Variants in SP100 observed in about 807,000 individuals in gnomAD.
SP100 encodes the protein SP100 nuclear body protein.
In SP100, 84 loss-of-function variants were observed where a neutral mutation model predicts 130.0. The observed-to-expected ratio is 0.65, with a 90% confidence interval of 0.54 to 0.77. The LOEUF is 0.77. Among genes scored for constraint, SP100 ranks in the 30% least tolerant of loss-of-function variants. The pLI is 0.00. For synonymous variants in SP100, 331 were observed against 351.7 expected, an observed-to-expected ratio of 0.94 and a Z score of 0.66; for missense variants, 978 against 1,052.2, an observed-to-expected ratio of 0.93 and a Z score of 0.97.
chr2:230,541,887 A>T lies in SP100; in HGVS notation c.2404-5A>T. On this transcript the variant is annotated splice_polypyrimidine_tract_variant and splice_region_variant and intron_variant, in intron 27 of 28. Coordinates refer to ENST00000340126, the MANE Select transcript of SP100 (RefSeq NM_001080391.2). ...ATAGCCTCATTTTGGTCTTTTACTCAACAGAACAGAGAGGGGTCTCAGGGC... is the reference window on the plus strand; with the variant it reads ...ATAGCCTCATTTTGGTCTTTTACTCTACAGAACAGAGAGGGGTCTCAGGGC... 1 of 1,613,000 alleles carries T rather than the reference A, an allele frequency of 6.2e-7. No homozygotes were observed. The highest frequency in any genetic ancestry group is 8.5e-7 in the Non-Finnish European group (1 of 1,179,658).
intron 18 of SP100, among the ~76,000 whole-genome samples, chr2:230,495,017 C>T (rs1406182202): frequency 2.0e-5 from 3 of 152,168 alleles, no homozygotes; most frequent in Admixed American, 2.0e-4. Flanking sequence ...GTCACTGATT[C>T]CCTTAAATGT....
intron 24 of SP100, among the ~76,000 whole-genome samples, chr2:230,517,745 A>AGC (rs1246509974): frequency 1.4e-5 from 2 of 147,966 alleles, no homozygotes; most frequent in Non-Finnish European, 3.0e-5. Context: ...AGCCTGGGCA[A>AGC]CAGAGCAAGA....
intron 24 of SP100, among the ~76,000 whole-genome samples, chr2:230,535,734 C>T (rs1328863422): frequency 6.6e-6 from 1 of 151,448 alleles, no homozygotes; most frequent in African/African-American, 2.4e-5. Flanking sequence ...TGGTGAAACC[C>T]CGTCTCTACT....
At chr2:230,483,869 C>T (rs2065945623) in intron 17 of SP100, among the ~76,000 whole-genome samples, 1 of 152,080 alleles carries the variant, frequency 6.6e-6, no homozygotes, top group South Asian at 2.1e-4. Context: ...TTTTTCGAAG[C>T]CTCTGGTCAT....
Position 230,469,996 on chromosome 2 carries a change from A to G in SP100, c.1346-19A>G, listed in dbSNP as rs1342708884. 1 of 1,606,910 alleles carries G rather than the reference A, an allele frequency of 6.2e-7. No individual in the cohort carries two copies. Among genetic ancestry groups the G allele is most frequent in the South Asian group, 1.1e-5 (1 of 89,998 alleles). ...AGACTCAGACTAAGACTGTTAAGGAATTTTATTTTTTTCTGCAGGTTTCAG... is the reference window on the plus strand; with the variant it reads ...AGACTCAGACTAAGACTGTTAAGGAGTTTTATTTTTTTCTGCAGGTTTCAG... On this transcript the variant is annotated intron_variant, in intron 14 of 28. Transcript: ENST00000340126.
intron 20 of SP100, 36 bp downstream of exon 20, chr2:230,503,146 A>C: frequency 7.0e-7 from 1 of 1,428,174 alleles, no homozygotes; most frequent in Non-Finnish European, 9.8e-7. Context: ...TTCATAATTA[A>C]ACATTTAATA....
chr2:230,527,645 C>T lies in SP100; in HGVS notation c.2095-11622C>T, dbSNP rs529318659. ...CATAGACTGGCAAATTGGATAGAGT[C>T]AAGATCCATCAGTGTGCTGTATTCA... On this transcript the variant is annotated intron_variant, in intron 24 of 28. Coordinates refer to ENST00000340126, the MANE Select transcript of SP100 (RefSeq NM_001080391.2). 2.2e-3 allele frequency among the ~76,000 whole-genome samples: 329 copies of T among 152,238 alleles called. 1 individual carries two copies. Among genetic ancestry groups the T allele is most frequent in the Admixed American group, 3.6e-3 (55 of 15,294 alleles).
rs917448576 is a variant in SP100 at position 230,452,584 on chromosome 2, C to T, written c.820+2329C>T. On this transcript the variant is annotated intron_variant, in intron 8 of 28. Transcript: ENST00000340126. ...AATCCATGAACATGGGGTATCTTTT[C>T]ATTTCTTTCTTCTTCAGTTTCTTTC... is the stretch of plus-strand genomic sequence containing the variant. Among the ~76,000 whole-genome samples the T allele has an allele frequency of 5.3e-5, 8 of 152,134 alleles. No homozygotes were observed. The East Asian group carries it at 1.3e-3, about 26-fold the overall frequency.
chr2:230,449,829 A>G, intron 7 of SP100, 119 bp downstream of exon 7: 1 of 1,043,040 alleles, frequency 9.6e-7, no homozygotes, highest in Non-Finnish European at 1.4e-6. Flanking sequence ...GGAAAATCAC[A>G]TAGACACAGA....
At chr2:230,472,525 C>T (rs1256726882) in intron 15 of SP100, among the ~76,000 whole-genome samples, 2 of 149,796 alleles carry the variant, frequency 1.3e-5, no homozygotes, top group African/African-American at 4.9e-5. Context: ...AAGAAGTTCA[C>T]CTCAATAATA....
intron 24 of SP100, among the ~76,000 whole-genome samples, chr2:230,518,711 T>C (rs756798213): frequency 6.6e-6 from 1 of 152,124 alleles, no homozygotes; most frequent in Non-Finnish European, 1.5e-5. Context: ...CTAGTCATCA[T>C]TTCAAGTTAT....
At chr2:230,467,305 A>G (rs1439223113) in intron 13 of SP100, 90 bp downstream of exon 13, 2 of 909,898 alleles carry the variant, frequency 2.2e-6, no homozygotes, top group African/African-American at 1.6e-5. Flanking sequence ...ACAGCTATCC[A>G]GGAGCCAGTT....
intron 2 of SP100, among the ~76,000 whole-genome samples, chr2:230,441,816 C>A (rs1303562008): frequency 6.6e-6 from 1 of 152,090 alleles, no homozygotes; most frequent in East Asian, 1.9e-4. Context: ...CTCTGTGTCT[C>A]CCTTCAAATC....
chr2:230,475,261 G>A (rs2065482335), intron 17 of SP100, among the ~76,000 whole-genome samples: 1 of 152,080 alleles, frequency 6.6e-6, no homozygotes, highest in South Asian at 2.1e-4. Context: ...ATCTCACTGT[G>A]ATTCTGATTT....
intron 8 of SP100, among the ~76,000 whole-genome samples, chr2:230,456,414 G>A (rs1306284853): frequency 2.0e-5 from 3 of 152,096 alleles, no homozygotes. Context: ...GAATCTGATT[G>A]GAGACCATTG....
chr2:230,514,893 A>G, intron 24 of SP100: 1 of 723,226 alleles, frequency 1.4e-6, no homozygotes, highest in African/African-American at 1.8e-5. Context: ...AAGGGACATT[A>G]CTTAACACGA....
intron 2 of SP100, among the ~76,000 whole-genome samples, chr2:230,435,651 T>G (rs554863577): frequency 3.3e-5 from 5 of 152,170 alleles, no homozygotes; most frequent in Non-Finnish European, 5.9e-5. Flanking sequence ...CGCTGTGTGA[T>G]TCATTCCATC....
At chr2:230,416,658 C>G in intron 1 of SP100, 1 of 805,590 alleles carries the variant, frequency 1.2e-6, no homozygotes, top group Non-Finnish European at 1.5e-6. Context: ...AACCCTTTCA[C>G]CCCTCAGCCT....
At chr2:230,470,460 C>A in intron 15 of SP100, 1 of 974,548 alleles carries the variant, frequency 1.0e-6, no homozygotes. Flanking sequence ...AATTGTAAAG[C>A]CTCAAAAGAC....
Sources: allele counts gnomAD v4.1 joint callset (sites outside exome capture counted in the v4.1 genomes callset), GRCh38; gene constraint gnomAD v4.1.1; transcripts MANE v1.5; gene names NCBI Gene and HGNC (gene_info 2026-07-23, HGNC 2026-07-21).